Variants in B3GALT1 observed in about 807,000 individuals in gnomAD.
B3GALT1 encodes the protein UDP-Gal:betaGlcNAc beta 1,3-galactosyltransferase, polypeptide 1.
Under a neutral mutation model 23.2 loss-of-function variants are expected in B3GALT1, and 10 were observed. The observed-to-expected ratio is 0.43, with a 90% CI of 0.27 to 0.73. The LOEUF (loss-of-function observed/expected upper bound fraction) is 0.73. B3GALT1 is among the 30% of genes least tolerant of loss of function. The probability of loss-of-function intolerance (pLI) is 0.21; values close to 1 mark genes in which losing one functional copy is unlikely to be tolerated. For missense variants in B3GALT1, 299 were observed against 405.4 expected (o/e 0.74, Z 2.25); for synonymous variants, 156 against 141.5 (o/e 1.10, Z -0.73).
intron 2 of B3GALT1, among the ~76,000 whole-genome samples, chr2:167,540,627 T>C (rs1683519116): frequency 6.6e-6 from 1 of 152,208 alleles, no homozygotes; most frequent in Non-Finnish European, 1.5e-5. Context: ...GTTAAACAAC[T>C]TGTCTCTTTT....
intron 1 of B3GALT1, among the ~76,000 whole-genome samples, chr2:167,391,722 A>G (rs1222347627): frequency 3.9e-5 from 6 of 151,936 alleles, no homozygotes; most frequent in Admixed American, 2.0e-4. Context: ...CTTTACCCCT[A>G]TTTTCTTTCT....
intron 2 of B3GALT1, among the ~76,000 whole-genome samples, chr2:167,554,345 A>G (rs917807408): frequency 6.6e-6 from 1 of 152,166 alleles, no homozygotes. Context: ...ATCTCCTTCT[A>G]TCTATAAGGA....
intron 2 of B3GALT1, among the ~76,000 whole-genome samples, chr2:167,510,827 C>T (rs982194509): frequency 1.3e-5 from 2 of 152,092 alleles, no homozygotes; most frequent in Admixed American, 1.3e-4. Flanking sequence ...AGATAATTAA[C>T]TTTATGAATT....
chr2:167,519,138 A>G (rs1019697132), intron 2 of B3GALT1, among the ~76,000 whole-genome samples: 2 of 151,974 alleles, frequency 1.3e-5, no homozygotes, highest in Non-Finnish European at 2.9e-5. Context: ...ATCATTTTAT[A>G]TGATGTTACA....
intron 2 of B3GALT1, among the ~76,000 whole-genome samples, chr2:167,525,030 C>T (rs1338227822): frequency 6.6e-6 from 1 of 152,164 alleles, no homozygotes; most frequent in Non-Finnish European, 1.5e-5. Context: ...CATGCCATTT[C>T]CCATATATGC....
intron 3 of B3GALT1, among the ~76,000 whole-genome samples, chr2:167,673,001 G>A (rs10208250): frequency 0.38 from 57,028 of 148,894 alleles, 12,020 homozygotes; most frequent in Middle Eastern, 0.56. Flanking sequence ...TGGGAGGGGG[G>A]TATCTGGGGG....
chr2:167,763,690 GAAAAA>G (rs35567239), intron 3 of B3GALT1, among the ~76,000 whole-genome samples: 7 of 82,066 alleles, frequency 8.5e-5, no homozygotes, highest in African/African-American at 3.4e-4. Flanking sequence ...GACTCTGTCA[GAAAAA>G]AAAAAAAAAA....
At chr2:167,393,825 G>C (rs1220159040) in intron 1 of B3GALT1, among the ~76,000 whole-genome samples, 1 of 152,164 alleles carries the variant, frequency 6.6e-6, no homozygotes, top group South Asian at 2.1e-4. Flanking sequence ...ATGTTTTAAA[G>C]CCCTTATCCA....
At chr2:167,360,898 ACT>A (rs1312239704) in intron 1 of B3GALT1, among the ~76,000 whole-genome samples, 1 of 151,854 alleles carries the variant, frequency 6.6e-6, no homozygotes, top group Non-Finnish European at 1.5e-5. Context: ...CCATCATTCT[ACT>A]CTCTAACTCC....
At chr2:167,710,204 A>T (rs189642403) in intron 3 of B3GALT1, among the ~76,000 whole-genome samples, 148 of 152,352 alleles carry the variant, frequency 9.7e-4, no homozygotes, top group South Asian at 2.3e-3. Context: ...TCAACCAAGA[A>T]AAACTTATTT....
intron 1 of B3GALT1, among the ~76,000 whole-genome samples, chr2:167,463,563 C>G (rs1200933015): frequency 1.3e-5 from 2 of 152,100 alleles, no homozygotes; most frequent in African/African-American, 4.8e-5. Flanking sequence ...AAAATCTGGA[C>G]CCATAATCAC....
At chr2:167,743,620 A>G (rs1278537581) in intron 3 of B3GALT1, among the ~76,000 whole-genome samples, 3 of 151,982 alleles carry the variant, frequency 2.0e-5, no homozygotes, top group Non-Finnish European at 2.9e-5. Flanking sequence ...TGGTAATAAT[A>G]TGTTTCTCTT....
intron 2 of B3GALT1, among the ~76,000 whole-genome samples, chr2:167,641,472 C>T (rs1010625508): frequency 5.9e-5 from 9 of 152,188 alleles, no homozygotes; most frequent in African/African-American, 1.9e-4. Context: ...TAGAACATTA[C>T]TGACCATATG....
At chr2:167,365,656 C>T (rs1169296475) in intron 1 of B3GALT1, among the ~76,000 whole-genome samples, 1 of 151,294 alleles carries the variant, frequency 6.6e-6, no homozygotes, top group Non-Finnish European at 1.5e-5. Flanking sequence ...GCCAAATTCT[C>T]AGGGGGAAAA....
intron 2 of B3GALT1, among the ~76,000 whole-genome samples, chr2:167,593,465 T>C (rs1684719190): frequency 6.6e-6 from 1 of 152,220 alleles, no homozygotes; most frequent in South Asian, 2.1e-4. Flanking sequence ...TTTAAAAGTC[T>C]AAAATTATAT....
chr2:167,585,358 A>G (rs1684569452), intron 2 of B3GALT1, among the ~76,000 whole-genome samples: 1 of 152,218 alleles, frequency 6.6e-6, no homozygotes, highest in Non-Finnish European at 1.5e-5. Flanking sequence ...CAAAAACATT[A>G]GAAAAGCCCC....
At chr2:167,341,897 G>A (rs1452957985) in intron 1 of B3GALT1, among the ~76,000 whole-genome samples, 1 of 152,156 alleles carries the variant, frequency 6.6e-6, no homozygotes, top group Non-Finnish European at 1.5e-5. Flanking sequence ...GAAGCATTCT[G>A]ATAATTACCA....
rs573431243 is a variant in B3GALT1, at chr2:167,518,307, C to T, written c.-410+28030C>T. Among the ~76,000 whole-genome samples the T allele has an allele frequency of 2.0e-5, 3 of 152,178 alleles. No homozygotes were observed. In the South Asian group the frequency reaches 6.2e-4, roughly 32 times the overall value. On this transcript the variant is annotated intron_variant, in intron 2 of 4. Coordinates refer to ENST00000392690, the MANE Select transcript of B3GALT1 (RefSeq NM_020981.4). ...GCAAATGGAAAATTATTTTCTTAAG[C>T]TTAATGTAAATTCAAACTACTCATT...
chr2:167,754,309 A>G (rs1687782209), intron 3 of B3GALT1, among the ~76,000 whole-genome samples: 1 of 152,242 alleles, frequency 6.6e-6, no homozygotes, highest in Non-Finnish European at 1.5e-5. Flanking sequence ...GAATGAGGCT[A>G]TAATGCAGCA....
Sources: allele counts gnomAD v4.1 joint callset (sites outside exome capture counted in the v4.1 genomes callset), GRCh38; gene constraint gnomAD v4.1.1; transcripts MANE v1.5; gene names NCBI Gene and HGNC (gene_info 2026-07-23, HGNC 2026-07-21).